The following ERC1 variants were observed in gnomAD, a reference collection of about 807,000 sequenced individuals.
ERC1 encodes ELKS/RAB6-interacting/CAST family member 1.
ERC1 carries 56 observed loss-of-function variants against 132.0 expected under a neutral mutation model. The ratio of observed to expected loss-of-function variants is 0.42; its 90% CI spans 0.34 to 0.53. The LOEUF is 0.53. ERC1 is among the 20% of genes least tolerant of loss of function. The pLI is 0.03. For synonymous variants in ERC1, 478 were observed against 476.1 expected, an observed-to-expected ratio of 1.00 and a Z score of -0.05; for missense variants, 1,202 against 1,349.9, an observed-to-expected ratio of 0.89 and a Z score of 1.72.
At chr12:1,161,041 G>A (rs1248251288) in intron 8 of ERC1, among the ~76,000 whole-genome samples, 1 of 152,184 alleles carries the variant, frequency 6.6e-6, no homozygotes, top group Non-Finnish European at 1.5e-5. Context: ...TACATTTGTA[G>A]TTGTACAGTC....
intron 16 of ERC1, among the ~76,000 whole-genome samples, chr12:1,391,871 C>T (rs1249594993): frequency 6.6e-6 from 1 of 152,180 alleles, no homozygotes; most frequent in African/African-American, 2.4e-5. Context: ...TTGGCTTCTT[C>T]AGCTCTACCT....
At chr12:1,038,009 C>T (rs796966653) in intron 2 of ERC1, among the ~76,000 whole-genome samples, 6 of 150,282 alleles carry the variant, frequency 4.0e-5, no homozygotes, top group African/African-American at 1.5e-4. Context: ...TGCGCCACTG[C>T]ACTCCAGCCT....
At chr12:1,324,369 C>T (rs2082312973) in intron 15 of ERC1, among the ~76,000 whole-genome samples, 1 of 152,152 alleles carries the variant, frequency 6.6e-6, no homozygotes, top group African/African-American at 2.4e-5. Context: ...ACTTTGGAGC[C>T]TGCCAAGATT....
At chr12:1,185,926 C>T (rs1955042617) in intron 11 of ERC1, among the ~76,000 whole-genome samples, 1 of 152,144 alleles carries the variant, frequency 6.6e-6, no homozygotes, top group South Asian at 2.1e-4. Context: ...TTTAGCCACA[C>T]CAGTTTAGGG....
At chr12:1,032,892 A>T (rs1968321125) in intron 2 of ERC1, among the ~76,000 whole-genome samples, 2 of 151,846 alleles carry the variant, frequency 1.3e-5, no homozygotes, top group East Asian at 1.9e-4. Flanking sequence ...TGTTGTTTTG[A>T]GACAGAGCCT....
chr12:1,417,974 T>C (rs1425737678), intron 17 of ERC1, among the ~76,000 whole-genome samples: 2 of 152,086 alleles, frequency 1.3e-5, no homozygotes, highest in Admixed American at 6.5e-5. Flanking sequence ...TCCTAAGAGA[T>C]AGATACCATT....
chr12:1,148,061 A>G (rs1415714365), intron 8 of ERC1, among the ~76,000 whole-genome samples: 6 of 152,226 alleles, frequency 3.9e-5, no homozygotes. Context: ...AGAACATGAC[A>G]GCAAGCTACT....
chr12:1,457,020 AGAT>A (rs1428606447), intron 18 of ERC1, among the ~76,000 whole-genome samples: 7 of 152,226 alleles, frequency 4.6e-5, no homozygotes, highest in Admixed American at 1.3e-4. Flanking sequence ...TGCTCCCGTA[AGAT>A]GATAAGACCA....
chr12:1,389,606 A>G (rs1487955605), intron 16 of ERC1, among the ~76,000 whole-genome samples: 2 of 152,186 alleles, frequency 1.3e-5, no homozygotes, highest in Non-Finnish European at 2.9e-5. Context: ...ATGTGTTGAA[A>G]ATGCTTTAAG....
intron 13 of ERC1, among the ~76,000 whole-genome samples, chr12:1,238,511 T>C (rs542420613): frequency 6.6e-6 from 1 of 152,320 alleles, no homozygotes; most frequent in East Asian, 1.9e-4. Flanking sequence ...GGGAATTATT[T>C]CATTGCTCAC....
chr12:1,436,971 GATAT>G (rs140955841), intron 17 of ERC1, among the ~76,000 whole-genome samples: 1 of 149,188 alleles, frequency 6.7e-6, no homozygotes, highest in Non-Finnish European at 1.5e-5. Context: ...AAGCCATTCA[GATAT>G]ATATATATAT....
Position 1,066,738 on chromosome 12 carries a change from G to A in ERC1, c.670-16426G>A, listed in dbSNP as rs534879229. Among the ~76,000 whole-genome samples the A allele has an allele frequency of 3.3e-5, 5 of 151,584 alleles. No individual in the cohort carries two copies. In the South Asian group the frequency reaches 1.0e-3, roughly 32 times the overall value. ...TGTAATCCCAACTATTCAGGAGGCT[G>A]AGGCAGGAGAATTGCTTGACGCTGG... is the stretch of plus-strand genomic sequence containing the variant. On this transcript the variant is annotated intron_variant, in intron 2 of 18. Transcript: ENST00000360905.
At chr12:1,238,233 T>G (rs1270504766) in intron 13 of ERC1, among the ~76,000 whole-genome samples, 2 of 152,118 alleles carry the variant, frequency 1.3e-5, no homozygotes, top group East Asian at 3.9e-4. Context: ...TTTATATTTC[T>G]CTGATTACCA....
intron 14 of ERC1, among the ~76,000 whole-genome samples, chr12:1,281,433 A>C (rs2078672414): frequency 6.6e-6 from 1 of 152,202 alleles, no homozygotes; most frequent in Admixed American, 6.5e-5. Flanking sequence ...CCTAAATTAG[A>C]CATTTGTCAC....
chr12:1,192,142 G>C (rs1955797053), intron 12 of ERC1, among the ~76,000 whole-genome samples: 2 of 152,090 alleles, frequency 1.3e-5, no homozygotes, highest in African/African-American at 4.8e-5. Context: ...CCTGGCAACT[G>C]TTATTTGAAG....
intron 14 of ERC1, among the ~76,000 whole-genome samples, chr12:1,264,598 A>G (rs1482729710): frequency 6.6e-6 from 1 of 152,030 alleles, no homozygotes; most frequent in Non-Finnish European, 1.5e-5. Context: ...TGGGAGGCGG[A>G]GCTTGCAGTG....
intron 16 of ERC1, among the ~76,000 whole-genome samples, chr12:1,382,694 A>G (rs1265772446): frequency 1.3e-5 from 2 of 152,244 alleles, no homozygotes; most frequent in Non-Finnish European, 2.9e-5. Context: ...ATTTACCTGT[A>G]GCTGTATCGT....
intron 2 of ERC1, 171 bp from the exon 3 acceptor site, chr12:1,082,993 T>C (rs759335077): frequency 1.7e-6 from 1 of 585,090 alleles, no homozygotes; most frequent in Non-Finnish European, 3.0e-6. Context: ...ATTACTGACA[T>C]TTTGCATATT....
At chr12:1,115,210 AAAG>A (rs1946319122) in intron 6 of ERC1, among the ~76,000 whole-genome samples, 2 of 152,222 alleles carry the variant, frequency 1.3e-5, no homozygotes, top group African/African-American at 2.4e-5. Context: ...ACAGGAATGT[AAAG>A]AAGGTGTTAG....
Sources: gnomAD v4.1 joint callset for allele counts (sites outside exome capture counted in the v4.1 genomes callset) on GRCh38, gnomAD v4.1.1 for gene constraint, MANE v1.5 for transcripts, NCBI Gene and HGNC (gene_info 2026-07-23, HGNC 2026-07-21) for gene names.